The following EFHC2 variants were observed in gnomAD, a reference collection of about 807,000 sequenced individuals.
EFHC2 encodes EF-hand domain containing 2.
A neutral mutation model predicts 52.7 loss-of-function variants in EFHC2; 18 were observed. The ratio of observed to expected loss-of-function variants is 0.34; its 90% CI spans 0.24 to 0.51. The LOEUF (loss-of-function observed/expected upper bound fraction) is 0.51. EFHC2 is among the 20% of genes least tolerant of loss of function. The pLI is 0.97. For missense variants in EFHC2, 513 were observed against 562.5 expected (o/e 0.91, Z 0.89); for synonymous variants, 203 against 204.1 (o/e 0.99, Z 0.04).
At chrX:44,316,214 G>A (rs1022916164) in intron 1 of EFHC2, among the ~76,000 whole-genome samples, 1 of 111,564 alleles carries the variant, frequency 9.0e-6, no homozygotes, top group African/African-American at 3.3e-5. Context: ...AGCTTATAAG[G>A]TACCTTAATG....
At position 44,310,258 on chromosome X, in the gene EFHC2, T is replaced by C; in HGVS notation, c.231+2310A>G. ...ATGACAAAGCGGCAAGGGTTTCCTC[T>C]CAGCAGCGGCTCATCCTCCACGCCG... On this transcript the variant is annotated intron_variant, in intron 2 of 14. Coordinates refer to ENST00000420999, the MANE Select transcript of EFHC2 (RefSeq NM_025184.4). The C allele has an allele frequency of 4.9e-6, 5 of 1,015,608 alleles. No individual in the cohort carries two copies. The South Asian group carries it at 9.5e-5, about 19-fold the overall frequency. 83.7% of individuals were successfully genotyped at this position (1,015,608 alleles called of 1,213,427 possible).
intron 11 of EFHC2, among the ~76,000 whole-genome samples, chrX:44,183,011 C>T (rs2036847097): frequency 1.8e-5 from 2 of 111,571 alleles, no homozygotes; most frequent in African/African-American, 6.5e-5. Context: ...GACATAATTC[C>T]ATTAAAGTCA....
chrX:44,229,103 A>G (rs2037255427), intron 11 of EFHC2, among the ~76,000 whole-genome samples: 1 of 112,340 alleles, frequency 8.9e-6, no homozygotes, highest in Admixed American at 9.4e-5. Flanking sequence ...ATGATTTGTT[A>G]TAATATTTCC....
intron 13 of EFHC2, among the ~76,000 whole-genome samples, chrX:44,167,583 G>A (rs1342856198): frequency 1.8e-5 from 2 of 112,515 alleles, no homozygotes; most frequent in Non-Finnish European, 3.7e-5. Flanking sequence ...CTGAATAAAA[G>A]TATACATAGC....
chrX:44,197,824 C>T (rs907624008), intron 11 of EFHC2, among the ~76,000 whole-genome samples: 1 of 112,704 alleles, frequency 8.9e-6, no homozygotes, highest in Non-Finnish European at 1.9e-5. Flanking sequence ...CCATTACCCT[C>T]CTGCCCTGCG....
intron 11 of EFHC2, among the ~76,000 whole-genome samples, chrX:44,198,696 T>C (rs188509513): frequency 1.4e-4 from 15 of 110,930 alleles, no homozygotes; most frequent in Admixed American, 9.6e-4. Context: ...GAGAGGTAGT[T>C]GGGGTGGGGA....
intron 2 of EFHC2, among the ~76,000 whole-genome samples, chrX:44,305,177 G>A (rs994645655): frequency 7.2e-5 from 8 of 110,774 alleles, no homozygotes; most frequent in Admixed American, 2.9e-4. Flanking sequence ...CAGGAGAATC[G>A]CTTGAACTTG....
chrX:44,253,246 T>TTTTC (rs1569294390), intron 4 of EFHC2, among the ~76,000 whole-genome samples: 1 of 110,182 alleles, frequency 9.1e-6, no homozygotes. Context: ...TTTTTTTTTT[T>TTTTC]TTCATACCCC....
At chrX:44,340,941 C>A (rs1713041975) in intron 1 of EFHC2, among the ~76,000 whole-genome samples, 1 of 111,778 alleles carries the variant, frequency 8.9e-6, no homozygotes, top group Non-Finnish European at 1.9e-5. Flanking sequence ...AGCAATCCTA[C>A]CAAAAAACAT....
At chrX:44,314,594 ACTCT>A (rs777800721) in intron 1 of EFHC2, among the ~76,000 whole-genome samples, 19 of 108,605 alleles carry the variant, frequency 1.7e-4, no homozygotes, top group African/African-American at 5.4e-4. Flanking sequence ...CATTCCCTCC[ACTCT>A]CTCTCTCTGT....
At chrX:44,337,773 AC>A (rs989459533) in intron 1 of EFHC2, among the ~76,000 whole-genome samples, 1 of 112,077 alleles carries the variant, frequency 8.9e-6, no homozygotes, top group African/African-American at 3.2e-5. Flanking sequence ...TCGCATTCCC[AC>A]CAGCAATGAG....
At chrX:44,224,596 G>C (rs759266875) in intron 11 of EFHC2, among the ~76,000 whole-genome samples, 1 of 112,389 alleles carries the variant, frequency 8.9e-6, no homozygotes, top group South Asian at 3.7e-4. Flanking sequence ...TTATTACATG[G>C]ATGTTCACAG....
At chrX:44,317,658 T>C (rs1338250889) in intron 1 of EFHC2, among the ~76,000 whole-genome samples, 4 of 112,528 alleles carry the variant, frequency 3.6e-5, no homozygotes, top group Non-Finnish European at 7.5e-5. Flanking sequence ...TGGCGGTGCA[T>C]GCGTATAGTC....
intron 11 of EFHC2, among the ~76,000 whole-genome samples, chrX:44,212,060 T>C (rs752751741): frequency 9.2e-6 from 1 of 108,432 alleles, no homozygotes; most frequent in Non-Finnish European, 1.9e-5. Flanking sequence ...TGGACTGTAA[T>C]TGGAATGCTG....
At chrX:44,248,667 G>T in intron 6 of EFHC2, 136 bp downstream of exon 6, 1 of 532,618 alleles carries the variant, frequency 1.9e-6, no homozygotes, top group Non-Finnish European at 3.1e-6. Flanking sequence ...CTGATAAATA[G>T]CAGTACAATG....
chrX:44,336,127 C>A (rs1372287856), intron 1 of EFHC2, among the ~76,000 whole-genome samples: 1 of 104,448 alleles, frequency 9.6e-6, no homozygotes, highest in Non-Finnish European at 2.0e-5. Flanking sequence ...TGGCTCAGGC[C>A]TGTAATCTCA....
intron 2 of EFHC2, among the ~76,000 whole-genome samples, chrX:44,308,207 T>C (rs887025498): frequency 2.7e-5 from 3 of 111,419 alleles, no homozygotes; most frequent in Non-Finnish European, 3.8e-5. Flanking sequence ...AAAACTAGAA[T>C]AAACAACAAC....
At chrX:44,326,950 A>G (rs1193978075) in intron 1 of EFHC2, among the ~76,000 whole-genome samples, 3 of 109,319 alleles carry the variant, frequency 2.7e-5, no homozygotes, top group African/African-American at 1.0e-4. Flanking sequence ...GCTGGTCTCA[A>G]ACTCCTGGGC....
At chrX:44,233,806 T>A (rs73483007) in intron 9 of EFHC2, among the ~76,000 whole-genome samples, 5,435 of 111,182 alleles carry the variant, frequency 0.049, 256 homozygotes, top group African/African-American at 0.15. Context: ...CTTAAATCAA[T>A]CTTCAGGTGT....
Sources: allele counts gnomAD v4.1 joint callset (sites outside exome capture counted in the v4.1 genomes callset), GRCh38; gene constraint gnomAD v4.1.1; transcripts MANE v1.5; gene names NCBI Gene and HGNC (gene_info 2026-07-23, HGNC 2026-07-21).